Variants in RYR1 observed in about 807,000 individuals in gnomAD.
The protein encoded by RYR1 is central core disease of muscle.
In RYR1, 342 loss-of-function variants were observed where a neutral mutation model predicts 583.5. That is an observed-to-expected ratio of 0.59 (90% CI 0.54 to 0.64). The LOEUF (loss-of-function observed/expected upper bound fraction) is 0.64, where lower values mean the gene tolerates loss of function less well. Ranked by LOEUF, RYR1 falls within the 30% of genes least tolerant of loss-of-function variation. The pLI, the probability that RYR1 is intolerant of heterozygous loss-of-function variation, is 0.00. For missense variants in RYR1, 6,032 were observed against 6,917.2 expected (o/e 0.87, Z 4.54); for synonymous variants, 2,791 against 2,822.5 (o/e 0.99, Z 0.35).
At position 38,444,758 on chromosome 19, in the gene RYR1, G is replaced by A. The variant is rs547571967; in HGVS notation, c.631+81G>A. 61 of 1,100,422 alleles carry A rather than the reference G, an allele frequency of 5.5e-5. No homozygotes were observed. The highest frequency in any genetic ancestry group is 7.6e-5 in the Non-Finnish European group (56 of 734,318). 68.2% of individuals were successfully genotyped at this position (1,100,422 alleles called of 1,614,324 possible). On this transcript the variant is annotated intron_variant, in intron 7 of 105. Coordinates refer to ENST00000359596, the MANE Select transcript of RYR1 (RefSeq NM_000540.3). The surrounding 1 kb of genome is among the most constrained non-coding windows in gnomAD (Gnocchi z 5.1). ...GTTGCCCTTCAGGCATACCCAAATG[G>A]AGCCTTGGAACCTCAGACCTCAAAC...
chr19:38,450,377 A>C (rs1967011961), intron 11 of RYR1, among the ~76,000 whole-genome samples: 1 of 152,106 alleles, frequency 6.6e-6, no homozygotes, highest in South Asian at 2.1e-4. Flanking sequence ...AAGCAACTGG[A>C]AGGATGGAAG....
At chr19:38,495,104 G>A (rs1464703110) in intron 39 of RYR1, among the ~76,000 whole-genome samples, 2 of 151,826 alleles carry the variant, frequency 1.3e-5, no homozygotes, top group Non-Finnish European at 2.9e-5. Flanking sequence ...CACCCGCCTC[G>A]GCCTCCCAAA....
Position 38,504,205 on chromosome 19 carries a change from C to A in RYR1, c.7927-15C>A. The A allele has an allele frequency of 6.2e-7, 1 of 1,606,874 alleles. No homozygotes were observed. Among genetic ancestry groups the A allele is most frequent in the South Asian group, 1.1e-5 (1 of 89,726 alleles). On this transcript the variant is annotated splice_polypyrimidine_tract_variant and intron_variant, in intron 49 of 105. Transcript: ENST00000359596. ...GCCCCCCTCATTTGTGTGTCCCCCTCTTGTTCCCACCCAGCTCCTCACCAA... is the reference window on the plus strand; with the variant it reads ...GCCCCCCTCATTTGTGTGTCCCCCTATTGTTCCCACCCAGCTCCTCACCAA...
At chr19:38,497,163 C>T (rs1969874138) in intron 42 of RYR1, among the ~76,000 whole-genome samples, 1 of 151,908 alleles carries the variant, frequency 6.6e-6, no homozygotes, top group Non-Finnish European at 1.5e-5. Context: ...GGTCCGCACT[C>T]CACGCTTCCC....
chr19:38,526,409 C>T (rs1045922865), intron 71 of RYR1, among the ~76,000 whole-genome samples: 17 of 151,844 alleles, frequency 1.1e-4, no homozygotes, highest in African/African-American at 4.1e-4. Context: ...CCGACTTCTC[C>T]CCTGCTACCA....
At chr19:38,482,987 C>A in intron 31 of RYR1, 40 bp from the exon 32 acceptor site, 1 of 1,562,114 alleles carries the variant, frequency 6.4e-7, no homozygotes, top group Non-Finnish European at 8.8e-7. Flanking sequence ...CTCCCTCCAG[C>A]CCACCCGTTT....
At chr19:38,493,885 G>A (rs927061989) in intron 38 of RYR1, among the ~76,000 whole-genome samples, 35 of 152,276 alleles carry the variant, frequency 2.3e-4, no homozygotes, top group African/African-American at 8.2e-4. Flanking sequence ...GCATGGCGAA[G>A]TGCTTCTGGT....
At chr19:38,479,968 C>T (rs1968928327) in intron 31 of RYR1, among the ~76,000 whole-genome samples, 1 of 152,098 alleles carries the variant, frequency 6.6e-6, no homozygotes, top group Non-Finnish European at 1.5e-5. Context: ...AATCCTTCTG[C>T]CTCAGCCTCC....
intron 33 of RYR1, among the ~76,000 whole-genome samples, chr19:38,484,601 T>C (rs1969189900): frequency 6.6e-6 from 1 of 152,158 alleles, no homozygotes; most frequent in Admixed American, 6.5e-5. Flanking sequence ...TAACTCAGGA[T>C]GCTCGGACAT....
chr19:38,498,371 G>T (rs2145594995), intron 42 of RYR1, among the ~76,000 whole-genome samples: 1 of 152,256 alleles, frequency 6.6e-6, no homozygotes, highest in Admixed American at 6.5e-5. Flanking sequence ...CAGAAGGACA[G>T]GGAGGAGGCT....
At chr19:38,463,650 G>A (rs1471070474) in intron 21 of RYR1, 97 bp from the exon 22 acceptor site, 2 of 1,455,630 alleles carry the variant, frequency 1.4e-6, no homozygotes, top group Non-Finnish European at 1.9e-6. Flanking sequence ...GACTGAGGGT[G>A]GCAGAACTAG....
At chr19:38,456,274 A>ATTTTTTT (rs769713059) in intron 16 of RYR1, among the ~76,000 whole-genome samples, 1 of 106,666 alleles carries the variant, frequency 9.4e-6, no homozygotes, top group Non-Finnish European at 1.8e-5. Context: ...AGCGCCTGGC[A>ATTTTTTT]TTTTTTTTTT....
At chr19:38,547,854 C>A (rs1972500352) in intron 88 of RYR1, among the ~76,000 whole-genome samples, 1 of 151,960 alleles carries the variant, frequency 6.6e-6, no homozygotes, top group Admixed American at 6.6e-5. Context: ...GCTGGAAATA[C>A]AAGCACATGC....
intron 90 of RYR1, among the ~76,000 whole-genome samples, chr19:38,562,729 C>T (rs1425867214): frequency 6.6e-6 from 1 of 152,196 alleles, no homozygotes; most frequent in Non-Finnish European, 1.5e-5. Context: ...TCCTGTCCCC[C>T]CACAGAGTCC....
At chr19:38,580,838 C>A (rs973675729) in intron 101 of RYR1, among the ~76,000 whole-genome samples, 1 of 151,992 alleles carries the variant, frequency 6.6e-6, no homozygotes, top group Non-Finnish European at 1.5e-5. Flanking sequence ...CAGACAGAGA[C>A]CCTATCTCTA....
intron 78 of RYR1, among the ~76,000 whole-genome samples, chr19:38,533,799 A>AC (rs1334237165): frequency 6.6e-6 from 1 of 151,388 alleles, no homozygotes; most frequent in East Asian, 1.9e-4. Context: ...AAAAAAAAAA[A>AC]GATCTAGCAG....
In RYR1 at chr19:38,457,531, A is replaced by G. The variant is rs1967480229; in HGVS notation, c.1826A>G (p.Asn609Ser). 1 of 1,613,772 alleles carries G rather than the reference A, an allele frequency of 6.2e-7. No individual in the cohort carries two copies. The change falls in exon 17 of 106, where the codon AAT becomes AGT. Residue 609 changes from asparagine to serine, a missense_variant. Transcript: ENST00000359596. ...GTGCTATGCTCCCTGTGTGTGTGTA[A>G]TGGTGTGGCTGTACGCTCCAACCAA... ...LDVLCSLCVC[N>S]GVAVRSNQDL... is the part of the protein sequence containing the mutation.
At chr19:38,521,554 C>G (rs894617977) in intron 67 of RYR1, among the ~76,000 whole-genome samples, 2 of 149,834 alleles carry the variant, frequency 1.3e-5, no homozygotes, top group Admixed American at 1.3e-4. Context: ...GGCGTGGTGG[C>G]GCATACCTGT....
At position 38,475,418 on chromosome 19, in the gene RYR1, G is replaced by A. The variant is rs983725107; in HGVS notation, c.4261G>A (p.Asp1421Asn). ...PHDVVPADNR[D>N]DPEIILNTTT... is the part of the protein sequence containing the mutation. ...CGACGTGGTGCCTGCAGACAACCGC[G>A]ATGACCCCGAGATCATCCTCAACAC... The change falls in exon 29 of 106, where the codon GAT becomes AAT. Residue 1421 changes from aspartate (D) to asparagine (N), a missense_variant. This residue lies in a region of RYR1 where 2,627 missense variants were observed against 2,961.3 expected (regional missense o/e 0.89). Coordinates refer to ENST00000359596, the MANE Select transcript of RYR1 (RefSeq NM_000540.3). 4.3e-6 allele frequency: 7 copies of A among 1,613,822 alleles called. No individual in the cohort carries two copies. The highest frequency in any genetic ancestry group is 3.3e-5 in the Admixed American group (2 of 59,992).
Sources: gnomAD v4.1 joint callset for allele counts (sites outside exome capture counted in the v4.1 genomes callset) on GRCh38, gnomAD v4.1.1 for gene constraint, gnomAD v4.1.1 regional missense constraint, Gnocchi (gnomAD v3.1) non-coding constraint, MANE v1.5 for transcripts, NCBI Gene and HGNC (gene_info 2026-07-23, HGNC 2026-07-21) for gene names.